Variants in PCLO observed in about 807,000 individuals in gnomAD.
PCLO encodes the protein protein piccolo.
In PCLO, 82 loss-of-function variants were observed where a neutral mutation model predicts 427.5. The observed-to-expected ratio is 0.19, with a 90% CI of 0.16 to 0.23. The LOEUF is 0.23. PCLO is among the 10% of genes least tolerant of loss of function. PCLO has a pLI of 1.00. For synonymous variants in PCLO, 2,357 were observed against 2,155.4 expected, an observed-to-expected ratio of 1.09 and a Z score of -2.59; for missense variants, 6,239 against 6,115.9, an observed-to-expected ratio of 1.02 and a Z score of -0.67.
At position 82,956,731 on chromosome 7, in the gene PCLO, C is replaced by G; in HGVS notation, c.4222G>C (p.Asp1408His). Residue 1408 changes from aspartate to histidine, a missense_variant, in exon 5 of 25, where the codon GAT becomes CAT. Coordinates refer to ENST00000333891, the MANE Select transcript of PCLO (RefSeq NM_033026.6). The stretch of plus-strand genomic sequence containing the variant: ...ACTGTACTTTCTAACTTAGCCAAAT[C>G]TGAGGGGCTGGAAGGGCTGCTTTCT... The part of the protein sequence containing the change: ...SQESSPSSPS[D>H]LAKLESTVLS... 6.2e-7 allele frequency: 1 copy of G among 1,613,800 alleles called. No individual in the cohort carries two copies.
chr7:82,939,682 T>C (rs957375513), intron 6 of PCLO, among the ~76,000 whole-genome samples: 2 of 148,600 alleles, frequency 1.3e-5, no homozygotes, highest in African/African-American at 2.4e-5. Flanking sequence ...GAAATAGATA[T>C]AGATATATTT....
chr7:83,159,193 C>T (rs1792374236), intron 1 of PCLO, among the ~76,000 whole-genome samples: 1 of 152,014 alleles, frequency 6.6e-6, no homozygotes, highest in South Asian at 2.1e-4. Context: ...TTTAATGTTT[C>T]TTGAATTGCT....
At chr7:82,909,074 A>G in intron 7 of PCLO, 61 bp from the exon 8 acceptor site, 1 of 1,561,328 alleles carries the variant, frequency 6.4e-7, no homozygotes, top group South Asian at 1.1e-5. Flanking sequence ...GATTGAGGGA[A>G]GCAGATGTTC....
intron 2 of PCLO, among the ~76,000 whole-genome samples, chr7:83,144,916 C>G (rs1791955684): frequency 6.6e-6 from 1 of 152,088 alleles, no homozygotes; most frequent in South Asian, 2.1e-4. Context: ...AAGTATTTAA[C>G]TGGTAATGCT....
At chr7:83,128,524 A>G (rs1027908601) in intron 3 of PCLO, among the ~76,000 whole-genome samples, 3 of 152,116 alleles carry the variant, frequency 2.0e-5, no homozygotes, top group African/African-American at 7.2e-5. Context: ...TCGTTAGACT[A>G]TTAATTGATA....
chr7:83,037,966 T>G (rs1448453206), intron 3 of PCLO, among the ~76,000 whole-genome samples: 1 of 109,122 alleles, frequency 9.2e-6, no homozygotes, highest in Non-Finnish European at 1.9e-5. Context: ...CCGTGTTAGT[T>G]GTGTGGAGGT....
chr7:82,942,763 T>G (rs908315192), intron 6 of PCLO, among the ~76,000 whole-genome samples: 3 of 152,120 alleles, frequency 2.0e-5, no homozygotes, highest in Non-Finnish European at 4.4e-5. Context: ...TGCAATATTT[T>G]AATCAAGAAG....
At chr7:82,914,408 A>G (rs1342235495) in intron 7 of PCLO, 1 of 551,050 alleles carries the variant, frequency 1.8e-6, no homozygotes, top group Non-Finnish European at 3.2e-6. Context: ...TGACAGAATT[A>G]TTTGATAATG....
intron 3 of PCLO, among the ~76,000 whole-genome samples, chr7:82,998,701 AC>A (rs1444991885): frequency 1.3e-4 from 20 of 151,944 alleles, no homozygotes; most frequent in African/African-American, 4.8e-4. Context: ...ACACCTTACC[AC>A]CACATTACTA....
chr7:82,799,435 CAA>C (rs1400120379), intron 22 of PCLO, among the ~76,000 whole-genome samples: 4 of 152,120 alleles, frequency 2.6e-5, no homozygotes, highest in Non-Finnish European at 4.4e-5. Flanking sequence ...CAAATTCTGT[CAA>C]CTGTGTTTTA....
intron 3 of PCLO, among the ~76,000 whole-genome samples, chr7:82,999,054 AGG>A (rs942499251): frequency 2.7e-5 from 4 of 150,446 alleles, no homozygotes; most frequent in African/African-American, 7.3e-5. Flanking sequence ...TGCCTTTGAT[AGG>A]CTTATTAGTA....
At chr7:83,128,446 T>A in intron 3 of PCLO, among the ~76,000 whole-genome samples, 1 of 152,156 alleles carries the variant, frequency 6.6e-6, no homozygotes. Flanking sequence ...ACAGCGTTCA[T>A]CAGCACACGT....
intron 3 of PCLO, among the ~76,000 whole-genome samples, chr7:83,103,535 T>C (rs1013511164): frequency 2.0e-5 from 3 of 151,998 alleles, no homozygotes; most frequent in Non-Finnish European, 2.9e-5. Context: ...TTAGGATATA[T>C]ACTATTATGA....
chr7:83,130,893 A>G (rs1791554682), intron 3 of PCLO, among the ~76,000 whole-genome samples: 1 of 152,218 alleles, frequency 6.6e-6, no homozygotes, highest in Non-Finnish European at 1.5e-5. Context: ...AAGCAAAATT[A>G]TGACTCCAGG....
At chr7:82,946,878 G>A (rs1051863251) in intron 6 of PCLO, among the ~76,000 whole-genome samples, 5 of 152,188 alleles carry the variant, frequency 3.3e-5, no homozygotes, top group Non-Finnish European at 5.9e-5. Flanking sequence ...GGCAGTAAGG[G>A]CAAGTGTAGA....
intron 24 of PCLO, among the ~76,000 whole-genome samples, chr7:82,759,452 G>A (rs763602840): frequency 1.3e-5 from 2 of 151,654 alleles, no homozygotes; most frequent in African/African-American, 2.4e-5. Flanking sequence ...TCTGGTTCAG[G>A]GATTTCAAGT....
At chr7:82,867,427 C>G (rs947161602) in intron 10 of PCLO, among the ~76,000 whole-genome samples, 1 of 152,088 alleles carries the variant, frequency 6.6e-6, no homozygotes, top group Admixed American at 6.6e-5. Flanking sequence ...CAATAAGTAC[C>G]AGATCTGAAT....
chr7:82,872,244 G>T (rs188159504), intron 10 of PCLO, among the ~76,000 whole-genome samples: 261 of 151,922 alleles, frequency 1.7e-3, no homozygotes, highest in African/African-American at 6.0e-3. Context: ...AATATATAAA[G>T]ATGCCCTAAA....
In PCLO at chr7:82,776,637, A is replaced by G. The variant is rs368656856; in HGVS notation, c.15008-15144T>C. On this transcript the variant is annotated intron_variant, in intron 22 of 24. Transcript: ENST00000333891. ...TGGTGAAACCGTGTCTCTACTAAAA[A>G]TACAAAAATTAGCTGGCTGTGATGG... Among the ~76,000 whole-genome samples the G allele has an allele frequency of 9.2e-5, 14 of 152,146 alleles. No homozygotes were observed. The East Asian group carries it at 1.2e-3, about 13-fold the overall frequency.
Sources: gnomAD v4.1 joint callset for allele counts (sites outside exome capture counted in the v4.1 genomes callset) on GRCh38, gnomAD v4.1.1 for gene constraint, MANE v1.5 for transcripts, NCBI Gene and HGNC (gene_info 2026-07-23, HGNC 2026-07-21) for gene names.